Variants in SRF observed in about 807,000 individuals in gnomAD.
The protein encoded by SRF is serum response factor.
In SRF, 7 loss-of-function variants were observed where a neutral mutation model predicts 37.1. The ratio of observed to expected loss-of-function variants is 0.19; its 90% CI spans 0.11 to 0.35. SRF has a LOEUF of 0.35. Ranked by LOEUF, SRF falls within the 10% of genes least tolerant of loss-of-function variation. The probability of loss-of-function intolerance (pLI) is 1.00; values close to 1 mark genes in which losing one functional copy is unlikely to be tolerated. For synonymous variants in SRF, 285 were observed against 310.1 expected, an observed-to-expected ratio of 0.92 and a Z score of 0.85; for missense variants, 395 against 694.4, an observed-to-expected ratio of 0.57 and a Z score of 4.85.
Position 43,176,209 on chromosome 6 carries a change from G to A in SRF, c.1042+242G>A, listed in dbSNP as rs1452824092. On this transcript the variant is annotated intron_variant, in intron 3 of 6. Transcript: ENST00000265354. The surrounding 1 kb of genome is among the most constrained non-coding windows in gnomAD (Gnocchi z 4.0). Reference sequence around the variant, plus strand: ...ATTCTGGCCCTGTCTAGCTACCCCAGCCCCGTGCCCTCATTGCCACAGGGC... The same window carrying A: ...ATTCTGGCCCTGTCTAGCTACCCCAACCCCGTGCCCTCATTGCCACAGGGC... Among the ~76,000 whole-genome samples, 2 of 152,148 alleles carry A rather than the reference G, an allele frequency of 1.3e-5. No individual in the cohort carries two copies. Among genetic ancestry groups the A allele is most frequent in the Admixed American group, 6.5e-5 (1 of 15,280 alleles).
Position 43,179,451 on chromosome 6 carries a change from C to A in SRF, c.*261C>A. ...AGGGGCTGTCCTCCTTCCTGGGACC[C>A]CCTCGCCAGCTTGGCTCGATGTTTG... is the stretch of plus-strand genomic sequence containing the variant. On this transcript the variant is annotated 3_prime_UTR_variant, in exon 7 of 7. Transcript: ENST00000265354. This position sits in a 1 kb window ranked among gnomAD's most constrained non-coding sequence, Gnocchi z 5.3. 1 of 533,268 alleles carries A rather than the reference C, an allele frequency of 1.9e-6. No homozygotes were observed. The allele number at this position is 533,268 out of a possible 1,614,324, so 33.0% of individuals were successfully genotyped here. A position where few individuals can be genotyped will look rare whatever the true frequency, so the allele number is the denominator to read the frequency against.
chr6:43,172,991 T>C lies in SRF; in HGVS notation c.513+822T>C, dbSNP rs73736721. 0.021 allele frequency among the ~76,000 whole-genome samples: 3,206 copies of C among 152,162 alleles called. 116 individuals are homozygous for C. The highest frequency in any genetic ancestry group is 0.072 in the African/African-American group (2,980 of 41,488). On this transcript the variant is annotated intron_variant, in intron 1 of 6. Transcript: ENST00000265354. This position sits in a 1 kb window ranked among gnomAD's most constrained non-coding sequence, Gnocchi z 5.7. ...GGGGTGTAGACGATAAGGGAAGAGA[T>C]GAAAGCAGAGGAACTGGGAGACAAG... is the stretch of plus-strand genomic sequence containing the variant.
chr6:43,174,478 C>T (rs924286170), intron 2 of SRF, among the ~76,000 whole-genome samples: 1 of 152,198 alleles, frequency 6.6e-6, no homozygotes, highest in African/African-American at 2.4e-5. Context: ...ACTCCGGTCC[C>T]GGGGTCCTGG....
chr6:43,172,440 C>T lies in SRF; in HGVS notation c.513+271C>T. Reference sequence around the variant, plus strand: ...GCGCCAGAGAGGAAGAGGGCCCTTGCTGAGTGAAGGGGTGAGGAGCGGTGA... The same window carrying T: ...GCGCCAGAGAGGAAGAGGGCCCTTGTTGAGTGAAGGGGTGAGGAGCGGTGA... On this transcript the variant is annotated intron_variant, in intron 1 of 6. Coordinates refer to ENST00000265354, the MANE Select transcript of SRF (RefSeq NM_003131.4). The surrounding 1 kb of genome is among the most constrained non-coding windows in gnomAD (Gnocchi z 5.7). The T allele has an allele frequency of 2.0e-6, 2 of 985,280 alleles. No individual in the cohort carries two copies. Among genetic ancestry groups the T allele is most frequent in the Non-Finnish European group, 2.4e-6 (2 of 829,888 alleles). 61.0% of individuals were successfully genotyped at this position (985,280 alleles called of 1,614,324 possible). A position where few individuals can be genotyped will look rare whatever the true frequency, so the allele number is the denominator to read the frequency against.
In SRF at chr6:43,179,039, G is replaced by A. The variant is rs939117849; in HGVS notation, c.1432-56G>A. The A allele has an allele frequency of 6.3e-7, 1 of 1,599,062 alleles. No homozygotes were observed. Among genetic ancestry groups the A allele is most frequent in the South Asian group, 1.1e-5 (1 of 90,708 alleles). ...TGGTTGGCAGGCAGGGAAGCCAGGG[G>A]AGCCTGAACTGGCTGGCCAGTCCCT... On this transcript the variant is annotated intron_variant, in intron 6 of 6. Coordinates refer to ENST00000265354, the MANE Select transcript of SRF (RefSeq NM_003131.4). This position sits in a 1 kb window ranked among gnomAD's most constrained non-coding sequence, Gnocchi z 5.3.
intron 4 of SRF, among the ~76,000 whole-genome samples, chr6:43,177,644 G>A (rs1047999230): frequency 2.6e-5 from 4 of 151,248 alleles, no homozygotes; most frequent in Admixed American, 1.3e-4. Context: ...GGCCGGGTGC[G>A]GTGGCTCACG....
At position 43,172,046 on chromosome 6, in the gene SRF, G is replaced by T; in HGVS notation, c.390G>T (p.Ala130=). ...GGGGCTACGGGCCGGTGAGCGGCGC[G>T]GTGAGCGGGGCCAAGCCGGGTAAGA... The part of the protein sequence containing the change: ...ATGGYGPVSG[A]VSGAKPGKKT... Residue 130 remains alanine, a synonymous_variant, in exon 1 of 7, where the codon GCG becomes GCT. Coordinates refer to ENST00000265354, the MANE Select transcript of SRF (RefSeq NM_003131.4). The surrounding 1 kb of genome is among the most constrained non-coding windows in gnomAD (Gnocchi z 5.7). 1.9e-6 allele frequency: 3 copies of T among 1,604,518 alleles called. No homozygotes were observed. The highest frequency in any genetic ancestry group is 2.6e-6 in the Non-Finnish European group (3 of 1,176,398).
In SRF at chr6:43,172,511, G is replaced by A; in HGVS notation, c.513+342G>A. 1.0e-6 allele frequency: 1 copy of A among 967,956 alleles called. No homozygotes were observed. The highest frequency in any genetic ancestry group is 1.2e-6 in the Non-Finnish European group (1 of 814,056). 60.0% of individuals were successfully genotyped at this position (967,956 alleles called of 1,614,324 possible). On this transcript the variant is annotated intron_variant, in intron 1 of 6. Transcript: ENST00000265354. This position sits in a 1 kb window ranked among gnomAD's most constrained non-coding sequence, Gnocchi z 5.7. ...GGGGAGGTGGATAATGAGAACCCGG[G>A]ATCAGTAGGTCCAGTGCACTCCGGT...
At position 43,176,063 on chromosome 6, in the gene SRF, C is replaced by T; in HGVS notation, c.1042+96C>T. 1 of 1,501,838 alleles carries T rather than the reference C, an allele frequency of 6.7e-7. No individual in the cohort carries two copies. Among genetic ancestry groups the T allele is most frequent in the Admixed American group, 2.0e-5 (1 of 51,186 alleles). The allele number at this position is 1,501,838 out of a possible 1,614,324, so 93.0% of individuals were successfully genotyped here. On this transcript the variant is annotated intron_variant, in intron 3 of 6. Transcript: ENST00000265354. The surrounding 1 kb of genome is among the most constrained non-coding windows in gnomAD (Gnocchi z 4.0). ...GGCTGGCACCAAGAGAACCTCTTTC[C>T]CTGCTCAGAAGGAAGGTGAATAGGG...
rs1440863154 is a variant in SRF, at chr6:43,173,409, ATGGGACAGT to A, written c.514-434_514-426del. On this transcript the variant is annotated intron_variant, in intron 1 of 6. Coordinates refer to ENST00000265354, the MANE Select transcript of SRF (RefSeq NM_003131.4). The surrounding 1 kb of genome is among the most constrained non-coding windows in gnomAD (Gnocchi z 4.2). The stretch of plus-strand genomic sequence containing the variant: ...GCCTGTGCAGTTTCTGGAAAGAAAC[ATGGGACAGT>A]TGGAGCTTAAATGGTCCATTATCAC... Among the ~76,000 whole-genome samples, 53 of 152,254 alleles carry A rather than the reference ATGGGACAGT, an allele frequency of 3.5e-4. No individual in the cohort carries two copies. The highest frequency in any genetic ancestry group is 8.8e-5 in the Non-Finnish European group (6 of 68,042).
chr6:43,181,418 G>A lies in SRF; in HGVS notation c.*2228G>A, dbSNP rs1049892060. 1 of 152,606 alleles carries A rather than the reference G, an allele frequency of 6.6e-6. No individual in the cohort carries two copies. The highest frequency in any genetic ancestry group is 1.5e-5 in the Non-Finnish European group (1 of 68,058). The allele number at this position is 152,606 out of a possible 1,614,324, so 9.5% of individuals were successfully genotyped here. A position where few individuals can be genotyped will look rare whatever the true frequency, so the allele number is the denominator to read the frequency against. On this transcript the variant is annotated 3_prime_UTR_variant, in exon 7 of 7. Coordinates refer to ENST00000265354, the MANE Select transcript of SRF (RefSeq NM_003131.4). ...CCCCTGGGATGCTGACCCAGGAATA[G>A]TGGACATGGTCACAGTCCTATGTAC... is the stretch of plus-strand genomic sequence containing the variant.
At position 43,171,663 on chromosome 6, in the gene SRF, C is replaced by A; in HGVS notation, c.7C>A (p.Pro3Thr). ...CCCTCCTGCATCGAGCGCCATGTTA[C>A]CGACCCAAGCTGGGGCCGCGGCGGC... ML[P>T]TQAGAAAALG... The change falls in exon 1 of 7, where the codon CCG becomes ACG. Residue 3 changes from proline (P) to threonine (T), a missense_variant. Pro to Thr is a conservative substitution (Grantham distance 38, BLOSUM62 -1). Transcript: ENST00000265354. This position sits in a 1 kb window ranked among gnomAD's most constrained non-coding sequence, Gnocchi z 6.5. 1 of 1,214,184 alleles carries A rather than the reference C, an allele frequency of 8.2e-7. No individual in the cohort carries two copies. Among genetic ancestry groups the A allele is most frequent in the East Asian group, 3.3e-5 (1 of 30,024 alleles). The allele number at this position is 1,214,184 out of a possible 1,614,324, so 75.2% of individuals were successfully genotyped here.
Position 43,178,194 on chromosome 6 carries a change from G to A in SRF, c.1163-100G>A. Reference sequence around the variant, plus strand: ...TAGTCGTGTCTAGCTTCTGACCTGGGAAATGGCAAGAGGGCTCTGGGGGCC... The same window carrying A: ...TAGTCGTGTCTAGCTTCTGACCTGGAAAATGGCAAGAGGGCTCTGGGGGCC... On this transcript the variant is annotated intron_variant, in intron 4 of 6. Transcript: ENST00000265354. The surrounding 1 kb of genome is among the most constrained non-coding windows in gnomAD (Gnocchi z 4.3). The A allele has an allele frequency of 7.8e-7, 1 of 1,278,234 alleles. No homozygotes were observed. The highest frequency in any genetic ancestry group is 1.1e-6 in the Non-Finnish European group (1 of 950,666). 79.2% of individuals were successfully genotyped at this position (1,278,234 alleles called of 1,614,324 possible).
rs1377849574 is a variant in SRF at position 43,171,595 on chromosome 6, C to G, written c.-62C>G. ...CCGGGTTGAGCCGGGAAGCCGATGGCGGCGGCTGCGGCGGCTCCGATTCCT... is the reference window on the plus strand; with the variant it reads ...CCGGGTTGAGCCGGGAAGCCGATGGGGGCGGCTGCGGCGGCTCCGATTCCT... On this transcript the variant is annotated 5_prime_UTR_variant, in exon 1 of 7. Coordinates refer to ENST00000265354, the MANE Select transcript of SRF (RefSeq NM_003131.4). The surrounding 1 kb of genome is among the most constrained non-coding windows in gnomAD (Gnocchi z 6.5). The G allele has an allele frequency of 1.7e-6, 2 of 1,176,170 alleles. No homozygotes were observed. The highest frequency in any genetic ancestry group is 2.1e-6 in the Non-Finnish European group (2 of 950,102). 72.9% of individuals were successfully genotyped at this position (1,176,170 alleles called of 1,614,324 possible). A position where few individuals can be genotyped will look rare whatever the true frequency, so the allele number is the denominator to read the frequency against.
Position 43,178,847 on chromosome 6 carries a change from G to A in SRF, c.1396G>A (p.Val466Met). The change falls in exon 6 of 7, where the codon GTG becomes ATG. Residue 466 changes from valine to methionine, a missense_variant. Coordinates refer to ENST00000265354, the MANE Select transcript of SRF (RefSeq NM_003131.4). The surrounding 1 kb of genome is among the most constrained non-coding windows in gnomAD (Gnocchi z 4.3). ...QVFLTASSGT[V>M]QIPVSAVQLH... ...GTTCCTGACAGCATCATCTGGGACA[G>A]TGCAGATCCCTGTTTCAGCAGTTCA... 1.2e-6 allele frequency: 2 copies of A among 1,614,256 alleles called. No homozygotes were observed. Among genetic ancestry groups the A allele is most frequent in the Non-Finnish European group, 1.7e-6 (2 of 1,180,036 alleles).
rs759915913 is a variant in SRF, at chr6:43,176,680, G to A, written c.1162+13G>A. Reference sequence around the variant, plus strand: ...TCCAGCGGGACAGGTATAGCTCGCAGCCCTGTCACCCTCCCTCCCTGCCTT... The same window carrying A: ...TCCAGCGGGACAGGTATAGCTCGCAACCCTGTCACCCTCCCTCCCTGCCTT... On this transcript the variant is annotated intron_variant, in intron 4 of 6. Coordinates refer to ENST00000265354, the MANE Select transcript of SRF (RefSeq NM_003131.4). The surrounding 1 kb of genome is among the most constrained non-coding windows in gnomAD (Gnocchi z 4.0). 6.2e-7 allele frequency: 1 copy of A among 1,612,414 alleles called. No individual in the cohort carries two copies. Among genetic ancestry groups the A allele is most frequent in the Non-Finnish European group, 8.5e-7 (1 of 1,178,738 alleles).
In SRF at chr6:43,176,542, T is replaced by C. The variant is rs1161181002; in HGVS notation, c.1043-6T>C. The stretch of plus-strand genomic sequence containing the variant: ...CAGAGCACAAATAAGACTCTGTGTC[T>C]TGCAGGTGGGGCAGTGGCCCAGCAG... On this transcript the variant is annotated splice_region_variant and splice_polypyrimidine_tract_variant and intron_variant, in intron 3 of 6. Coordinates refer to ENST00000265354, the MANE Select transcript of SRF (RefSeq NM_003131.4). This position sits in a 1 kb window ranked among gnomAD's most constrained non-coding sequence, Gnocchi z 4.0. 1.2e-6 allele frequency: 2 copies of C among 1,614,114 alleles called. No individual in the cohort carries two copies. Among genetic ancestry groups the C allele is most frequent in the Admixed American group, 3.3e-5 (2 of 60,010 alleles).
chr6:43,172,007 G>A lies in SRF; in HGVS notation c.351G>A (p.Ser117=). Reference sequence around the variant, plus strand: ...TGGTGGTCGGTGGGCCCGAGGCGTCGGCAGCGGCCACCGGGGGCTACGGGC... The same window carrying A: ...TGGTGGTCGGTGGGCCCGAGGCGTCAGCAGCGGCCACCGGGGGCTACGGGC... ...IGMVVGGPEA[S]AAATGGYGPV... Residue 117 remains serine (S), a synonymous_variant, in exon 1 of 7, where the codon TCG becomes TCA. Coordinates refer to ENST00000265354, the MANE Select transcript of SRF (RefSeq NM_003131.4). The surrounding 1 kb of genome is among the most constrained non-coding windows in gnomAD (Gnocchi z 5.7). 6.3e-7 allele frequency: 1 copy of A among 1,580,010 alleles called. No homozygotes were observed. The highest frequency in any genetic ancestry group is 8.6e-7 in the Non-Finnish European group (1 of 1,164,626).
chr6:43,179,292 G>A lies in SRF; in HGVS notation c.*102G>A. The A allele has an allele frequency of 7.8e-7, 1 of 1,278,208 alleles. No individual in the cohort carries two copies. Among genetic ancestry groups the A allele is most frequent in the Non-Finnish European group, 1.1e-6 (1 of 904,310 alleles). The allele number at this position is 1,278,208 out of a possible 1,614,324, so 79.2% of individuals were successfully genotyped here. On this transcript the variant is annotated 3_prime_UTR_variant, in exon 7 of 7. Transcript: ENST00000265354. The surrounding 1 kb of genome is among the most constrained non-coding windows in gnomAD (Gnocchi z 5.3). Reference sequence around the variant, plus strand: ...ACACACGTTGACGGGCCGCAGGAGGGAGGCGGGGAGGAGGAACGGGCAGCC... The same window carrying A: ...ACACACGTTGACGGGCCGCAGGAGGAAGGCGGGGAGGAGGAACGGGCAGCC...
Sources: allele counts gnomAD v4.1 joint callset (sites outside exome capture counted in the v4.1 genomes callset), GRCh38; gene constraint gnomAD v4.1.1; non-coding constraint Gnocchi (gnomAD v3.1); transcripts MANE v1.5; gene names NCBI Gene and HGNC (gene_info 2026-07-23, HGNC 2026-07-21).